The following MAPRE2 variants were observed in gnomAD, a reference collection of about 807,000 sequenced individuals.
MAPRE2 encodes microtubule-associated protein RP/EB family member 2.
In MAPRE2, 13 loss-of-function variants were observed where a neutral mutation model predicts 43.2. The observed-to-expected ratio is 0.30, with a 90% CI of 0.20 to 0.48. The LOEUF (loss-of-function observed/expected upper bound fraction) is 0.48. Among genes scored for constraint, MAPRE2 ranks in the 20% least tolerant of loss-of-function variants. MAPRE2 has a pLI of 0.99. For synonymous variants in MAPRE2, 135 were observed against 148.8 expected (o/e 0.91, Z 0.68); for missense variants, 161 against 400.2 (o/e 0.40, Z 5.10).
intron 1 of MAPRE2, among the ~76,000 whole-genome samples, chr18:34,980,570 C>T (rs571792748): frequency 6.6e-6 from 1 of 152,242 alleles, no homozygotes; most frequent in South Asian, 2.1e-4. Flanking sequence ...ACCAAAGCAT[C>T]CTGAGTACAT....
At chr18:34,987,053 A>C (rs1278708431) in intron 1 of MAPRE2, among the ~76,000 whole-genome samples, 1 of 152,172 alleles carries the variant, frequency 6.6e-6, no homozygotes, top group African/African-American at 2.4e-5. Context: ...CCATTAACTG[A>C]AGTTTTTTTG....
At chr18:34,987,830 A>G (rs1272095736) in intron 1 of MAPRE2, among the ~76,000 whole-genome samples, 1 of 151,884 alleles carries the variant, frequency 6.6e-6, no homozygotes, top group Non-Finnish European at 1.5e-5. Context: ...TTTTGTAGAG[A>G]CGGGGTTTCA....
At position 34,985,531 on chromosome 18, in the gene MAPRE2, A is replaced by T. The variant is rs1486628574; in HGVS notation, c.-70+8452A>T. 4.9e-5 allele frequency among the ~76,000 whole-genome samples: 2 copies of T among 40,984 alleles called. 1 individual carries two copies. Among genetic ancestry groups the T allele is most frequent in the East Asian group, 1.4e-3 (2 of 1,458 alleles). 26.9% of individuals were successfully genotyped at this position (40,984 alleles called of 152,430 possible). A position where few individuals can be genotyped will look rare whatever the true frequency, so the allele number is the denominator to read the frequency against. ...ATAATATATATATTATATATTATAA[A>T]TATAATATATAATATATATATTATA... On this transcript the variant is annotated intron_variant, in intron 1 of 7. Transcript: ENST00000413393.
intron 4 of MAPRE2, among the ~76,000 whole-genome samples, chr18:35,125,698 C>T (rs999252182): frequency 6.6e-6 from 1 of 152,224 alleles, no homozygotes; most frequent in African/African-American, 2.4e-5. Context: ...AAGTACACTG[C>T]GTATACATTG....
intron 6 of MAPRE2, among the ~76,000 whole-genome samples, chr18:35,133,846 T>C (rs943668799): frequency 6.6e-6 from 1 of 151,934 alleles, no homozygotes; most frequent in African/African-American, 2.4e-5. Flanking sequence ...TTCCAGGGGG[T>C]CTACCTAGAT....
chr18:35,034,021 T>G (rs1207471231), intron 2 of MAPRE2, among the ~76,000 whole-genome samples: 1 of 151,752 alleles, frequency 6.6e-6, no homozygotes, highest in East Asian at 1.9e-4. Flanking sequence ...TACTTTAAAG[T>G]TCATATGGAA....
intron 3 of MAPRE2, among the ~76,000 whole-genome samples, chr18:35,099,411 TC>T (rs1337226335): frequency 5.9e-5 from 9 of 152,160 alleles, no homozygotes; most frequent in Non-Finnish European, 1.3e-4. Flanking sequence ...GGCCAGGAGT[TC>T]CAGACCAGCC....
At chr18:35,093,115 G>A (rs1351473865) in intron 2 of MAPRE2, among the ~76,000 whole-genome samples, 1 of 149,452 alleles carries the variant, frequency 6.7e-6, no homozygotes, top group African/African-American at 2.5e-5. Flanking sequence ...GGGAGATTGA[G>A]GCATGAGAAT....
At chr18:35,076,369 T>C (rs1485847534) in intron 2 of MAPRE2, among the ~76,000 whole-genome samples, 3 of 152,136 alleles carry the variant, frequency 2.0e-5, no homozygotes, top group Admixed American at 1.3e-4. Flanking sequence ...AGGAAGTAAA[T>C]GAAGGGAGGT....
At chr18:35,069,661 A>G (rs975151228) in intron 1 of MAPRE2, among the ~76,000 whole-genome samples, 2 of 152,194 alleles carry the variant, frequency 1.3e-5, no homozygotes, top group African/African-American at 4.8e-5. Flanking sequence ...ATATATACAT[A>G]AACATACATA....
chr18:35,055,565 A>ATGTG (rs35542955), intron 1 of MAPRE2, among the ~76,000 whole-genome samples: 9 of 72,584 alleles, frequency 1.2e-4, no homozygotes, highest in South Asian at 4.4e-4. Flanking sequence ...GTGTGTGTGT[A>ATGTG]TGTGTGTGTG....
At chr18:35,126,217 T>C (rs1358320915) in intron 4 of MAPRE2, among the ~76,000 whole-genome samples, 1 of 152,212 alleles carries the variant, frequency 6.6e-6, no homozygotes, top group East Asian at 1.9e-4. Context: ...TGCATTACAA[T>C]AAATGAAGCT....
chr18:35,101,862 T>C lies in MAPRE2; in HGVS notation c.397-84T>C, dbSNP rs1908696420. 10 of 1,003,938 alleles carry C rather than the reference T, an allele frequency of 1.0e-5. No homozygotes were observed. In the South Asian group the frequency reaches 1.3e-4, roughly 13 times the overall value. The allele number at this position is 1,003,938 out of a possible 1,614,324, so 62.2% of individuals were successfully genotyped here. A position where few individuals can be genotyped will look rare whatever the true frequency, so the allele number is the denominator to read the frequency against. On this transcript the variant is annotated intron_variant, in intron 3 of 6. Coordinates refer to ENST00000300249, the MANE Select transcript of MAPRE2 (RefSeq NM_014268.4). ...TGCCACAAACTTACAAGTGCAGATA[T>C]CTTTTTGAGATACTGATTTCCTTTC...
intron 4 of MAPRE2, among the ~76,000 whole-genome samples, chr18:35,123,967 C>A (rs980310721): frequency 1.3e-5 from 2 of 152,118 alleles, no homozygotes; most frequent in African/African-American, 4.8e-5. Flanking sequence ...TGTGGCCTCC[C>A]AGACAAAGTG....
At chr18:35,103,157 T>G (rs1908755951) in intron 4 of MAPRE2, among the ~76,000 whole-genome samples, 1 of 152,150 alleles carries the variant, frequency 6.6e-6, no homozygotes, top group African/African-American at 2.4e-5. Flanking sequence ...TTTTTGAAAT[T>G]TTTTTAATAT....
At chr18:35,064,650 G>A (rs758430773) in intron 1 of MAPRE2, among the ~76,000 whole-genome samples, 1 of 152,250 alleles carries the variant, frequency 6.6e-6, no homozygotes, top group Non-Finnish European at 1.5e-5. Context: ...GGTAAAGGTG[G>A]TAGAATTCAT....
chr18:35,057,033 A>G (rs1022004879), intron 1 of MAPRE2, among the ~76,000 whole-genome samples: 10 of 152,056 alleles, frequency 6.6e-5, no homozygotes, highest in Non-Finnish European at 1.5e-4. Context: ...TTTTGTTTTG[A>G]AACAGAGTTT....
chr18:35,030,336 C>T (rs953789930), intron 2 of MAPRE2, among the ~76,000 whole-genome samples: 2 of 152,226 alleles, frequency 1.3e-5, no homozygotes, highest in African/African-American at 4.8e-5. Context: ...CCTCTGCAAC[C>T]ATCAGCTATC....
intron 2 of MAPRE2, among the ~76,000 whole-genome samples, chr18:35,084,583 TG>T (rs1013907427): frequency 6.6e-6 from 1 of 152,228 alleles, no homozygotes; most frequent in Non-Finnish European, 1.5e-5. Flanking sequence ...GAGATGAAAA[TG>T]TCCTTCAACA....
Sources: gnomAD v4.1 joint callset for allele counts (sites outside exome capture counted in the v4.1 genomes callset) on GRCh38, gnomAD v4.1.1 for gene constraint, MANE v1.5 for transcripts, NCBI Gene and HGNC (gene_info 2026-07-23, HGNC 2026-07-21) for gene names.